The following TPTE2 variants were observed in gnomAD, a reference collection of about 807,000 sequenced individuals.
TPTE2 encodes the protein phosphatidylinositol 3,4,5-trisphosphate 3-phosphatase TPTE2.
A neutral mutation model predicts 78.6 loss-of-function variants in TPTE2; 53 were observed. That is an observed-to-expected ratio of 0.67 (90% CI 0.54 to 0.85). The LOEUF (loss-of-function observed/expected upper bound fraction) is 0.85, where lower values mean the gene tolerates loss of function less well. TPTE2 is among the 40% of genes least tolerant of loss of function. TPTE2 has a pLI of 0.00. For missense variants in TPTE2, 461 were observed against 623.0 expected, an observed-to-expected ratio of 0.74 and a Z score of 2.77; for synonymous variants, 175 against 206.2, an observed-to-expected ratio of 0.85 and a Z score of 1.30.
chr13:19,434,709 G>A (rs1159853205), intron 15 of TPTE2, among the ~76,000 whole-genome samples: 1 of 152,040 alleles, frequency 6.6e-6, no homozygotes, highest in Non-Finnish European at 1.5e-5. Context: ...CTTCTAACGG[G>A]GCCAAGAGTA....
intron 10 of TPTE2, among the ~76,000 whole-genome samples, chr13:19,451,841 GTGTA>G (rs1439010298): frequency 9.2e-5 from 11 of 119,852 alleles, no homozygotes; most frequent in African/African-American, 3.0e-4. Context: ...GTGTGTGTGT[GTGTA>G]TATATGTATA....
chr13:19,457,796 T>C (rs1878635571), intron 10 of TPTE2, among the ~76,000 whole-genome samples: 1 of 152,206 alleles, frequency 6.6e-6, no homozygotes, highest in African/African-American at 2.4e-5. Context: ...ATAATCTTTA[T>C]TTGATATTAC....
chr13:19,488,253 A>C (rs1273460022), intron 3 of TPTE2, among the ~76,000 whole-genome samples: 2 of 152,188 alleles, frequency 1.3e-5, no homozygotes, highest in South Asian at 4.1e-4. Flanking sequence ...ATAATTCGTA[A>C]GGGCCCTAGG....
chr13:19,440,294 C>T (rs895539194), intron 13 of TPTE2, among the ~76,000 whole-genome samples: 6 of 152,094 alleles, frequency 3.9e-5, no homozygotes, highest in Non-Finnish European at 7.4e-5. Flanking sequence ...AGCTTCATTC[C>T]AAGGATACAA....
chr13:19,455,441 C>A (rs1363416117), intron 10 of TPTE2, among the ~76,000 whole-genome samples: 3 of 152,168 alleles, frequency 2.0e-5, no homozygotes, highest in Non-Finnish European at 2.9e-5. Flanking sequence ...TGGGATGCCA[C>A]AAAGGAGAGG....
intron 4 of TPTE2, among the ~76,000 whole-genome samples, chr13:19,479,323 C>T (rs1013660629): frequency 3.4e-4 from 51 of 152,202 alleles, no homozygotes; most frequent in African/African-American, 1.2e-3. Flanking sequence ...CATTTCTTAT[C>T]TTTCACAGGT....
At chr13:19,458,202 C>T (rs960749802) in intron 10 of TPTE2, among the ~76,000 whole-genome samples, 1 of 152,142 alleles carries the variant, frequency 6.6e-6, no homozygotes, top group Non-Finnish European at 1.5e-5. Context: ...ATTGGAATTA[C>T]TATTAATATT....
At chr13:19,553,530 G>A in the TPTE2 span, among the ~76,000 whole-genome samples, 658 of 152,238 alleles carry the variant, frequency 4.3e-3, 10 homozygotes, top group African/African-American at 0.015. Context: ...AATGTGGGTT[G>A]TAATCTGGGA....
intron 15 of TPTE2, among the ~76,000 whole-genome samples, chr13:19,434,876 A>G (rs1876956284): frequency 6.6e-6 from 1 of 152,200 alleles, no homozygotes; most frequent in African/African-American, 2.4e-5. Flanking sequence ...AGAGACTGAC[A>G]TCTAGATTTC....
At chr13:19,541,720 T>A (rs1871441078), upstream of TPTE2, among the ~76,000 whole-genome samples, 4 of 152,194 alleles carry the variant, frequency 2.6e-5, no homozygotes, top group Non-Finnish European at 5.9e-5. Flanking sequence ...GTGTGATCTT[T>A]TTCCTCCATT....
intron 13 of TPTE2, 46 bp downstream of exon 16, chr13:19,450,030 T>C (rs1355117297): frequency 1.2e-6 from 2 of 1,603,092 alleles, no homozygotes; most frequent in Admixed American, 1.7e-5. Context: ...TTATCTATAT[T>C]TACATGTCTT....
chr13:19,491,607 C>T (rs1384291275), intron 3 of TPTE2, among the ~76,000 whole-genome samples: 2 of 152,158 alleles, frequency 1.3e-5, no homozygotes, highest in African/African-American at 2.4e-5. Context: ...GGGTGGATCA[C>T]GAGGGCAGGA....
chr13:19,550,133 T>C, the TPTE2 span, among the ~76,000 whole-genome samples: 3 of 148,562 alleles, frequency 2.0e-5, no homozygotes, highest in Non-Finnish European at 4.5e-5. Context: ...AGCTTGCACA[T>C]GTACCCCTGA....
the TPTE2 span, among the ~76,000 whole-genome samples, chr13:19,546,908 AAAATGGGAGGCTG>A: frequency 2.0e-5 from 3 of 152,212 alleles, no homozygotes; most frequent in Non-Finnish European, 2.9e-5. Flanking sequence ...AAAAGAAAAA[AAAATGGGAGGCTG>A]AAATTATCAA....
upstream of TPTE2, among the ~76,000 whole-genome samples, chr13:19,506,340 T>A (rs1190778874): frequency 6.7e-6 from 1 of 149,804 alleles, no homozygotes; most frequent in African/African-American, 2.5e-5. Context: ...CCCGGCTAAT[T>A]TTTTTTGTAT....
chr13:19,551,474 CAGCT>C, the TPTE2 span, among the ~76,000 whole-genome samples: 1 of 151,996 alleles, frequency 6.6e-6, no homozygotes, highest in African/African-American at 2.4e-5. Context: ...CCTGTGATCC[CAGCT>C]ACTCGGCTTG....
chr13:19,488,938 G>A (rs1040213756), intron 3 of TPTE2, among the ~76,000 whole-genome samples: 1 of 152,240 alleles, frequency 6.6e-6, no homozygotes, highest in Non-Finnish European at 1.5e-5. Flanking sequence ...TTGGTTTAAA[G>A]TGAGAGCCAT....
At chr13:19,468,797 T>C (rs1879441195) in intron 6 of TPTE2, among the ~76,000 whole-genome samples, 1 of 152,236 alleles carries the variant, frequency 6.6e-6, no homozygotes, top group African/African-American at 2.4e-5. Flanking sequence ...TTGATATGCC[T>C]GTTTACCATC....
At chr13:19,506,657 C>A (rs1869073315), upstream of TPTE2, among the ~76,000 whole-genome samples, 1 of 152,122 alleles carries the variant, frequency 6.6e-6, no homozygotes, top group Non-Finnish European at 1.5e-5. Context: ...CCAAGGAATG[C>A]CAAAGATTGC....
Sources: allele counts gnomAD v4.1 joint callset (sites outside exome capture counted in the v4.1 genomes callset), GRCh38; gene constraint gnomAD v4.1.1; transcripts MANE v1.5; gene names NCBI Gene and HGNC (gene_info 2026-07-23, HGNC 2026-07-21).